CARF: variants seen among roughly 807,000 people sequenced by gnomAD.
CARF encodes calcium responsive transcription factor, also known as calcium-responsive transcription factor.
A neutral mutation model predicts 82.0 loss-of-function variants in CARF; 57 were observed. The ratio of observed to expected loss-of-function variants is 0.70; its 90% CI spans 0.56 to 0.87. The LOEUF is 0.87. Among genes scored for constraint, CARF ranks in the 40% least tolerant of loss-of-function variants. The probability of loss-of-function intolerance (pLI) is 0.00; values close to 1 mark genes in which losing one functional copy is unlikely to be tolerated. For missense variants in CARF, 771 were observed against 855.8 expected (o/e 0.90, Z 1.24); for synonymous variants, 268 against 290.1 (o/e 0.92, Z 0.77).
At chr2:202,930,842 C>A (rs978364963) in intron 3 of CARF, among the ~76,000 whole-genome samples, 1 of 152,034 alleles carries the variant, frequency 6.6e-6, no homozygotes, top group Non-Finnish European at 1.5e-5. Context: ...AACCCCTCCT[C>A]TTCTTCCTCT....
intron 3 of CARF, among the ~76,000 whole-genome samples, chr2:202,931,877 T>C (rs983238206): frequency 1.3e-5 from 2 of 152,224 alleles, no homozygotes; most frequent in African/African-American, 2.4e-5. Flanking sequence ...TTCCAGGTAC[T>C]GGCACAGGGT....
Position 202,988,102 on chromosome 2 carries a change from T to C in CARF, c.*4478T>C, listed in dbSNP as rs999551902. ...TAGCTTTTGTCACTTAGCATAGTAA[T>C]TTTGTGATTTGTCTATATTGTTGCA... On this transcript the variant is annotated 3_prime_UTR_variant, in exon 17 of 17. Coordinates refer to ENST00000438828, the MANE Select transcript of CARF (RefSeq NM_024744.17). Among the ~76,000 whole-genome samples the C allele has an allele frequency of 1.3e-5, 2 of 152,202 alleles. No homozygotes were observed. Among genetic ancestry groups the C allele is most frequent in the African/African-American group, 4.8e-5 (2 of 41,452 alleles).
At chr2:202,921,252 T>C (rs1248699687) in intron 2 of CARF, among the ~76,000 whole-genome samples, 2 of 152,182 alleles carry the variant, frequency 1.3e-5, no homozygotes, top group Non-Finnish European at 2.9e-5. Context: ...CCGCCTGCCT[T>C]GGCCTCCCAA....
intron 9 of CARF, chr2:202,961,670 A>G (rs1476070168): frequency 1.4e-5 from 7 of 483,992 alleles, no homozygotes. Flanking sequence ...AAAATAAAAT[A>G]TCGAAGTTTC....
intron 5 of CARF, among the ~76,000 whole-genome samples, chr2:202,946,187 C>G (rs779619246): frequency 6.6e-5 from 10 of 152,030 alleles, no homozygotes; most frequent in Non-Finnish European, 1.2e-4. Flanking sequence ...GCCTGTATAG[C>G]CAAGACAATC....
chr2:202,921,551 A>G (rs13423520), intron 2 of CARF, among the ~76,000 whole-genome samples: 41,895 of 152,088 alleles, frequency 0.28, 6,348 homozygotes, highest in East Asian at 0.52. Flanking sequence ...GTTATAAAAC[A>G]CACAGAATAT....
Position 202,967,004 on chromosome 2 carries a change from C to T in CARF, c.859C>T (p.Gln287Ter). Residue 287 changes from glutamine (Q) to a stop codon, truncating the protein, a stop_gained, in exon 10 of 17, where the codon CAG becomes TAG. Transcript: ENST00000438828. LOFTEE classifies it high-confidence loss of function. The part of the protein sequence containing the change: ...AGSRAVVMEC[Q>*]YGPRRKGFQL... ...GAGTAGAGCTGTGGTAATGGAGTGTCAGTATGGGCCAAGAAGAAAAGGTTT... is the reference window on the plus strand; with the variant it reads ...GAGTAGAGCTGTGGTAATGGAGTGTTAGTATGGGCCAAGAAGAAAAGGTTT... The T allele has an allele frequency of 6.2e-7, 1 of 1,613,754 alleles. No individual in the cohort carries two copies. Among genetic ancestry groups the T allele is most frequent in the Non-Finnish European group, 8.5e-7 (1 of 1,179,924 alleles).
rs778349002 is a variant in CARF at position 202,987,516 on chromosome 2, A to G, written c.*3892A>G. On this transcript the variant is annotated 3_prime_UTR_variant, in exon 17 of 17. Coordinates refer to ENST00000438828, the MANE Select transcript of CARF (RefSeq NM_024744.17). ...CTGTTTTAATATCTAAAAATCTGTCATTCTACTTAATTAACTTAGTCATAA... is the reference window on the plus strand; with the variant it reads ...CTGTTTTAATATCTAAAAATCTGTCGTTCTACTTAATTAACTTAGTCATAA... Among the ~76,000 whole-genome samples, 1 of 152,174 alleles carries G rather than the reference A, an allele frequency of 6.6e-6. No individual in the cohort carries two copies. The highest frequency in any genetic ancestry group is 2.4e-5 in the African/African-American group (1 of 41,448).
chr2:202,941,354 A>G (rs2058221884), intron 3 of CARF, among the ~76,000 whole-genome samples: 1 of 152,088 alleles, frequency 6.6e-6, no homozygotes, highest in South Asian at 2.1e-4. Flanking sequence ...CTTTTTTAAA[A>G]TATATCTTCC....
intron 5 of CARF, among the ~76,000 whole-genome samples, 186 bp downstream of exon 5, chr2:202,943,153 C>A (rs943185930): frequency 1.3e-5 from 2 of 152,146 alleles, no homozygotes; most frequent in African/African-American, 4.8e-5. Flanking sequence ...TTCACTGCAA[C>A]CTCTGCCTTC....
intron 1 of CARF, among the ~76,000 whole-genome samples, chr2:202,916,611 T>TGATTTACCTATTTGGGGATTTATTC (rs1326519477): frequency 3.3e-5 from 5 of 152,244 alleles, no homozygotes; most frequent in African/African-American, 1.2e-4. Flanking sequence ...TGCTTTCTCT[T>TGATTTACCTATTTGGGGATTTATTC]TAATTACCCT....
chr2:202,927,521 A>G (rs142739381), intron 3 of CARF, among the ~76,000 whole-genome samples: 204 of 152,236 alleles, frequency 1.3e-3, no homozygotes, highest in African/African-American at 4.8e-3. Context: ...CAAGTATATA[A>G]TGTGGGGTTT....
chr2:202,938,568 CCAACTTT>C (rs1234109324), intron 3 of CARF, among the ~76,000 whole-genome samples: 1 of 145,518 alleles, frequency 6.9e-6, no homozygotes, highest in Non-Finnish European at 1.5e-5. Context: ...CCGTGCCCAG[CCAACTTT>C]CAGTTTTTTT....
Position 202,912,474 on chromosome 2 carries a change from C to CA in CARF, c.-958_-957insA, listed in dbSNP as rs1173248290. On this transcript the variant is annotated 5_prime_UTR_variant, in exon 1 of 17. The change creates a premature stop within an existing upstream ORF in the 5' untranslated region. Coordinates refer to ENST00000438828, the MANE Select transcript of CARF (RefSeq NM_024744.17). ...CCTACCGGACGCTACCTCCCAACCC[C>CA]CCGTCTTCCTCCTGCCTCCTCCTCC... 9.6e-5 allele frequency: 3 copies of CA among 31,142 alleles called. No homozygotes were observed. Among genetic ancestry groups the CA allele is most frequent in the South Asian group, 1.9e-3 (1 of 522 alleles). The allele number at this position is 31,142 out of a possible 1,614,324, so 1.9% of individuals were successfully genotyped here.
chr2:202,981,994 C>A, intron 15 of CARF, 78 bp from the exon 16 acceptor site: 1 of 1,441,552 alleles, frequency 6.9e-7, no homozygotes, highest in South Asian at 1.3e-5. Flanking sequence ...GATTTTTTGT[C>A]AAAAGAATTG....
In CARF at chr2:202,986,879, T is replaced by TATATATACATATATATATATATATAC. The variant is rs1318920416; in HGVS notation, c.*3262_*3263insCATATATATATATATATACATATATA. ...AAAAATGTCTGTGCGTATATATATA[T>TATATATACATATATATATATATATAC]ATATATATATATATATATATATATA... On this transcript the variant is annotated 3_prime_UTR_variant, in exon 17 of 17. Coordinates refer to ENST00000438828, the MANE Select transcript of CARF (RefSeq NM_024744.17). The TATATATACATATATATATATATATAC allele has an allele frequency of 8.6e-6, 1 of 116,816 alleles. No homozygotes were observed. Among genetic ancestry groups the TATATATACATATATATATATATATAC allele is most frequent in the African/African-American group, 2.9e-5 (1 of 33,918 alleles). The allele number at this position is 116,816 out of a possible 1,614,324, so 7.2% of individuals were successfully genotyped here. A position where few individuals can be genotyped will look rare whatever the true frequency, so the allele number is the denominator to read the frequency against.
intron 1 of CARF, among the ~76,000 whole-genome samples, chr2:202,915,101 C>T (rs1191302379): frequency 6.6e-6 from 1 of 151,996 alleles, no homozygotes; most frequent in Non-Finnish European, 1.5e-5. Flanking sequence ...ACTGCAACCT[C>T]CGCCTTCCAG....
chr2:202,920,209 CAG>C (rs1355852673), intron 2 of CARF, among the ~76,000 whole-genome samples: 1 of 149,778 alleles, frequency 6.7e-6, no homozygotes, highest in African/African-American at 2.5e-5. Flanking sequence ...GGCTGGAGTG[CAG>C]TAGTGCACTC....
intron 5 of CARF, among the ~76,000 whole-genome samples, chr2:202,950,673 C>A (rs1203513184): frequency 6.6e-6 from 1 of 152,104 alleles, no homozygotes; most frequent in Non-Finnish European, 1.5e-5. Context: ...TCTGTGTAAC[C>A]TTCTATGAGT....
Sources: gnomAD v4.1 joint callset for allele counts (sites outside exome capture counted in the v4.1 genomes callset) on GRCh38, gnomAD v4.1.1 for gene constraint, MANE v1.5 for transcripts, NCBI Gene and HGNC (gene_info 2026-07-23, HGNC 2026-07-21) for gene names.